Variants in ZBTB2 observed in about 807,000 individuals in gnomAD.
ZBTB2 encodes zinc finger and BTB domain containing 2, also known as zinc finger and BTB domain-containing protein 2.
A neutral mutation model predicts 39.5 loss-of-function variants in ZBTB2; 2 were observed. That is an observed-to-expected ratio of 0.05 (90% CI 0.02 to 0.16). ZBTB2 has a LOEUF of 0.16. Ranked by LOEUF, ZBTB2 falls within the 10% of genes least tolerant of loss-of-function variation. The pLI, the probability that ZBTB2 is intolerant of heterozygous loss-of-function variation, is 1.00. For missense variants in ZBTB2, 391 were observed against 653.0 expected (o/e 0.60, Z 4.37); for synonymous variants, 251 against 256.6 (o/e 0.98, Z 0.21).
intron 1 of ZBTB2, among the ~76,000 whole-genome samples, chr6:151,387,169 T>G (rs1779176988): frequency 6.6e-6 from 1 of 152,206 alleles, no homozygotes; most frequent in African/African-American, 2.4e-5. Flanking sequence ...AAGTCTACTT[T>G]CTTAAAAGTT....
intron 1 of ZBTB2, among the ~76,000 whole-genome samples, chr6:151,384,733 A>G (rs1351028483): frequency 6.6e-6 from 1 of 152,194 alleles, no homozygotes; most frequent in African/African-American, 2.4e-5. Flanking sequence ...GGAGATGCAG[A>G]GTATATGTTG....
chr6:151,383,383 C>T (rs1197734162), intron 1 of ZBTB2, among the ~76,000 whole-genome samples: 3 of 152,140 alleles, frequency 2.0e-5, no homozygotes, highest in Non-Finnish European at 4.4e-5. Flanking sequence ...GTGAGCTCTA[C>T]GAATGGATCA....
rs1454062171 is a variant in ZBTB2, at chr6:151,366,899, G to A, written c.174-7C>T. 3 of 1,587,394 alleles carry A rather than the reference G, an allele frequency of 1.9e-6. No individual in the cohort carries two copies. In the Admixed American group the frequency reaches 5.3e-5, roughly 28 times the overall value. On this transcript the variant is annotated splice_region_variant and splice_polypyrimidine_tract_variant and intron_variant, in intron 2 of 2. Transcript: ENST00000325144. The surrounding 1 kb of genome is among the most constrained non-coding windows in gnomAD (Gnocchi z 7.1). Reference sequence around the variant, plus strand: ...TTTCAAGCGGACACACTCACTGAAAGAAACAAGTAAAAAAATACGTGAGTA... The same window carrying A: ...TTTCAAGCGGACACACTCACTGAAAAAAACAAGTAAAAAAATACGTGAGTA...
chr6:151,364,628 G>A lies in ZBTB2; in HGVS notation c.*893C>T, dbSNP rs1778604900. On this transcript the variant is annotated 3_prime_UTR_variant, in exon 3 of 3. Transcript: ENST00000325144. ...TCCTTTTCCCTGCAGTACACACACT[G>A]ATTTAAAAGTTAGTGTAAAACAAAT... 6.6e-6 allele frequency: 1 copy of A among 152,184 alleles called. No homozygotes were observed. Among genetic ancestry groups the A allele is most frequent in the Non-Finnish European group, 1.5e-5 (1 of 68,040 alleles). 9.4% of individuals were successfully genotyped at this position (152,184 alleles called of 1,614,324 possible).
chr6:151,390,844 A>C (rs1029364452), intron 1 of ZBTB2, among the ~76,000 whole-genome samples: 3 of 145,524 alleles, frequency 2.1e-5, no homozygotes, highest in African/African-American at 7.5e-5. Flanking sequence ...CGGCAGCAGC[A>C]GGAGGCGGCG....
chr6:151,386,743 A>C (rs958138787), intron 1 of ZBTB2, among the ~76,000 whole-genome samples: 1 of 152,214 alleles, frequency 6.6e-6, no homozygotes, highest in African/African-American at 2.4e-5. Flanking sequence ...TTTAGAGCAG[A>C]GCTTCTGAAA....
At chr6:151,383,184 T>C (rs556810844) in intron 1 of ZBTB2, among the ~76,000 whole-genome samples, 1 of 152,088 alleles carries the variant, frequency 6.6e-6, no homozygotes. Context: ...CCTCCCAAAG[T>C]GCTGGGATTA....
intron 1 of ZBTB2, among the ~76,000 whole-genome samples, chr6:151,383,851 AC>A (rs1039924460): frequency 1.3e-5 from 2 of 152,150 alleles, no homozygotes; most frequent in African/African-American, 4.8e-5. Flanking sequence ...GCCAGTTTAT[AC>A]ACCTTGCCTG....
chr6:151,378,308 A>G (rs1418017359), intron 1 of ZBTB2, among the ~76,000 whole-genome samples: 1 of 151,984 alleles, frequency 6.6e-6, no homozygotes, highest in African/African-American at 2.4e-5. Flanking sequence ...TCTAAGCACG[A>G]GATAGGAGAG....
intron 1 of ZBTB2, among the ~76,000 whole-genome samples, chr6:151,390,280 G>A (rs1779256440): frequency 1.4e-5 from 2 of 147,798 alleles, no homozygotes; most frequent in East Asian, 2.1e-4. Flanking sequence ...CGTCCCACCC[G>A]CCCCGGGGCG....
At chr6:151,387,795 T>C (rs1779192895) in intron 1 of ZBTB2, among the ~76,000 whole-genome samples, 1 of 152,238 alleles carries the variant, frequency 6.6e-6, no homozygotes, top group African/African-American at 2.4e-5. Flanking sequence ...CTGGGGGTTA[T>C]GAGTTTGAGC....
At chr6:151,369,154 C>T (rs1167611771) in intron 2 of ZBTB2, among the ~76,000 whole-genome samples, 1 of 152,124 alleles carries the variant, frequency 6.6e-6, no homozygotes, top group African/African-American at 2.4e-5. Context: ...AACGGTAAGC[C>T]TCTCAAATTT....
At chr6:151,379,500 G>C (rs1280082463) in intron 1 of ZBTB2, among the ~76,000 whole-genome samples, 1 of 151,918 alleles carries the variant, frequency 6.6e-6, no homozygotes, top group Admixed American at 6.6e-5. Context: ...AAAATAGCCA[G>C]GGATGGTGGC....
chr6:151,381,615 C>T (rs912005609), intron 1 of ZBTB2, among the ~76,000 whole-genome samples: 3 of 152,318 alleles, frequency 2.0e-5, no homozygotes, highest in East Asian at 1.9e-4. Context: ...ATCCCAGTGC[C>T]GCTGCACCTC....
chr6:151,369,635 T>A (rs528156834), intron 2 of ZBTB2, among the ~76,000 whole-genome samples: 187 of 149,620 alleles, frequency 1.2e-3, no homozygotes, highest in African/African-American at 4.4e-3. Flanking sequence ...TAAAAAAAAA[T>A]TTTTTTTTTT....
At chr6:151,379,897 C>T (rs1582920995) in intron 1 of ZBTB2, among the ~76,000 whole-genome samples, 1 of 152,086 alleles carries the variant, frequency 6.6e-6, no homozygotes, top group East Asian at 1.9e-4. Flanking sequence ...ATGGCTCCCT[C>T]TCTTTCCACA....
chr6:151,374,435 T>G (rs1562766822), intron 1 of ZBTB2, among the ~76,000 whole-genome samples: 1 of 152,230 alleles, frequency 6.6e-6, no homozygotes, highest in African/African-American at 2.4e-5. Context: ...TTATTCACAC[T>G]TGACCCTGGC....
At chr6:151,386,877 T>C (rs1779166363) in intron 1 of ZBTB2, among the ~76,000 whole-genome samples, 3 of 136,444 alleles carry the variant, frequency 2.2e-5, no homozygotes, top group South Asian at 4.3e-4. Context: ...TTTAATTCAA[T>C]TAAAAACAAT....
In ZBTB2 at chr6:151,366,043, T is replaced by G. The variant is rs201389468; in HGVS notation, c.1023A>C (p.Ser341=). 68 of 1,614,164 alleles carry G rather than the reference T, an allele frequency of 4.2e-5. No homozygotes were observed. In the East Asian group the frequency reaches 4.7e-4, roughly 11 times the overall value. ...CCAGGTTGTCAATGTCAGCAATGTC[T>G]GAGGGGGGTGGGGTTTCCGACTGCT... ...GQQQSETPPP[S]DIADIDNLEQ... is the part of the protein sequence containing the mutation. The change falls in exon 3 of 3, where the codon TCA becomes TCC. Residue 341 remains serine, a synonymous_variant. Coordinates refer to ENST00000325144, the MANE Select transcript of ZBTB2 (RefSeq NM_020861.3). The surrounding 1 kb of genome is among the most constrained non-coding windows in gnomAD (Gnocchi z 7.1).
Sources: allele counts gnomAD v4.1 joint callset (sites outside exome capture counted in the v4.1 genomes callset), GRCh38; gene constraint gnomAD v4.1.1; non-coding constraint Gnocchi (gnomAD v3.1); transcripts MANE v1.5; gene names NCBI Gene and HGNC (gene_info 2026-07-23, HGNC 2026-07-21).